The following VPS13D variants were observed in gnomAD, a reference collection of about 807,000 sequenced individuals.
VPS13D encodes intermembrane lipid transfer protein VPS13D.
VPS13D carries 187 observed loss-of-function variants against 461.9 expected under a neutral mutation model. The ratio of observed to expected loss-of-function variants is 0.40; its 90% confidence interval spans 0.36 to 0.46. The LOEUF is 0.46. VPS13D is among the 20% of genes least tolerant of loss of function. The pLI, the probability that VPS13D is intolerant of heterozygous loss-of-function variation, is 0.60. For missense variants in VPS13D, 4,711 were observed against 5,364.9 expected (o/e 0.88, Z 3.81); for synonymous variants, 1,951 against 1,986.3 (o/e 0.98, Z 0.47).
At chr1:12,486,872 C>T (rs546444328) in intron 67 of VPS13D, among the ~76,000 whole-genome samples, 8 of 152,302 alleles carry the variant, frequency 5.3e-5, no homozygotes, top group African/African-American at 1.9e-4. Context: ...ACCCTCTCAG[C>T]ACACAGCACC....
chr1:12,234,134 A>T lies in VPS13D; in HGVS notation c.-76-57A>T, dbSNP rs919711177. ...TACCTTCAGGCAGGTAGAGGAGGAA[A>T]TTGGCTTAGAAAATCATCCTGTTTT... On this transcript the variant is annotated intron_variant, in intron 1 of 69. Transcript: ENST00000620676. 4.6e-6 allele frequency: 3 copies of T among 648,712 alleles called. No homozygotes were observed. In the African/African-American group the frequency reaches 5.5e-5, roughly 12 times the overall value. 40.2% of individuals were successfully genotyped at this position (648,712 alleles called of 1,614,324 possible).
In VPS13D at chr1:12,352,965, C is replaced by CAAAAAAAAAAAAAA. The variant is rs61588046; in HGVS notation, c.9432-991_9432-978dup. ...GGGCAATAAGAGTGAAACTCAGTCT[C>CAAAAAAAAAAAAAA]AAAAAAAAAAAAAAAAAAAAAAAAA... On this transcript the variant is annotated intron_variant, in intron 46 of 69. Transcript: ENST00000620676. Among the ~76,000 whole-genome samples the CAAAAAAAAAAAAAA allele has an allele frequency of 6.8e-4, 12 of 17,588 alleles. 2 individuals are homozygous for CAAAAAAAAAAAAAA. The highest frequency in any genetic ancestry group is 8.2e-4 in the Non-Finnish European group (8 of 9,748). The allele number at this position is 17,588 out of a possible 152,430, so 11.5% of individuals were successfully genotyped here.
chr1:12,292,393 C>T (rs1365851675), intron 23 of VPS13D, among the ~76,000 whole-genome samples: 1 of 136,272 alleles, frequency 7.3e-6, no homozygotes, highest in Admixed American at 7.6e-5. Flanking sequence ...AGGTCTGCCT[C>T]TACATATTCT....
intron 65 of VPS13D, among the ~76,000 whole-genome samples, chr1:12,448,709 G>T (rs182409024): frequency 3.3e-5 from 5 of 152,202 alleles, no homozygotes; most frequent in African/African-American, 9.7e-5. Context: ...AAGATCAGTT[G>T]TCTTGATTCT....
chr1:12,252,438 G>T (rs1372076392), intron 6 of VPS13D, among the ~76,000 whole-genome samples: 1 of 152,086 alleles, frequency 6.6e-6, no homozygotes, highest in African/African-American at 2.4e-5. Context: ...ATATCCTCAG[G>T]TTCCATATCC....
intron 61 of VPS13D, 87 bp from the exon 62 acceptor site, chr1:12,401,521 A>T (rs1383466415): frequency 1.1e-6 from 1 of 908,698 alleles, no homozygotes; most frequent in Non-Finnish European, 1.7e-6. Context: ...TAATGAAAGC[A>T]TACCATGTCA....
chr1:12,268,366 C>T (rs556703810), intron 15 of VPS13D, among the ~76,000 whole-genome samples: 7 of 149,588 alleles, frequency 4.7e-5, no homozygotes, highest in Admixed American at 1.4e-4. Flanking sequence ...CTGTTTTGTG[C>T]GCAGTGGTTT....
At position 12,505,437 on chromosome 1, in the gene VPS13D, T is replaced by C. The variant is rs187280188; in HGVS notation, c.12795-1416T>C. On this transcript the variant is annotated intron_variant, in intron 68 of 69. Transcript: ENST00000620676. The surrounding 1 kb of genome is among the most constrained non-coding windows in gnomAD (Gnocchi z 4.2). ...ATTGAGACTTTACAAGTCCACATTCTTGGCATTGCCAACCAGTTAGAATAG... is the reference window on the plus strand; with the variant it reads ...ATTGAGACTTTACAAGTCCACATTCCTGGCATTGCCAACCAGTTAGAATAG... Among the ~76,000 whole-genome samples the C allele has an allele frequency of 4.0e-4, 61 of 152,380 alleles. No homozygotes were observed. Among genetic ancestry groups the C allele is most frequent in the Admixed American group, 7.8e-4 (12 of 15,310 alleles).
chr1:12,472,311 A>G (rs1260317572), intron 67 of VPS13D, among the ~76,000 whole-genome samples: 1 of 152,080 alleles, frequency 6.6e-6, no homozygotes, highest in Non-Finnish European at 1.5e-5. Context: ...GGACCTGCTG[A>G]CTCTGGGCTC....
intron 46 of VPS13D, among the ~76,000 whole-genome samples, chr1:12,350,254 T>C (rs76845682): frequency 0.022 from 3,322 of 152,274 alleles, 63 homozygotes; most frequent in African/African-American, 0.038. Context: ...GGAACACTTA[T>C]CAAGAGAGAT....
chr1:12,258,163 A>G (rs1640979940), intron 10 of VPS13D, 60 bp downstream of exon 10: 1 of 1,584,446 alleles, frequency 6.3e-7, no homozygotes, highest in Non-Finnish European at 8.6e-7. Context: ...TGTTCTCTCA[A>G]AGACTAAAGA....
chr1:12,277,678 G>T lies in VPS13D; in HGVS notation c.4090G>T (p.Asp1364Tyr). 1 of 1,614,200 alleles carries T rather than the reference G, an allele frequency of 6.2e-7. No individual in the cohort carries two copies. Among genetic ancestry groups the T allele is most frequent in the South Asian group, 1.1e-5 (1 of 91,058 alleles). Residue 1364 changes from aspartate (D) to tyrosine (Y), a missense_variant, in exon 19 of 70, where the codon GAC (aspartate) becomes TAC (tyrosine). Coordinates refer to ENST00000620676, the MANE Select transcript of VPS13D (RefSeq NM_015378.4). ...ILEENEIYGF[D>Y]LASSHLDTVK... ...AGAGGAAAATGAAATATATGGGTTT[G>T]ACCTAGCTTCGTCTCATTTGGACAC...
At chr1:12,416,072 C>G (rs947971159) in intron 64 of VPS13D, among the ~76,000 whole-genome samples, 3 of 152,188 alleles carry the variant, frequency 2.0e-5, no homozygotes, top group Admixed American at 6.5e-5. Flanking sequence ...GTAGTCCCAG[C>G]TACGGGAGGC....
chr1:12,257,640 C>T (rs1640962181), intron 9 of VPS13D, among the ~76,000 whole-genome samples: 1 of 152,064 alleles, frequency 6.6e-6, no homozygotes, highest in South Asian at 2.1e-4. Context: ...TGGTATTTAC[C>T]TTACAGTCAG....
At chr1:12,401,490 A>T in intron 61 of VPS13D, 118 bp from the exon 62 acceptor site, 1 of 642,798 alleles carries the variant, frequency 1.6e-6, no homozygotes, top group Non-Finnish European at 2.6e-6. Flanking sequence ...ATTTGGCATT[A>T]TAGTTATAAA....
At chr1:12,249,797 A>T (rs755778114) in intron 6 of VPS13D, among the ~76,000 whole-genome samples, 3 of 152,170 alleles carry the variant, frequency 2.0e-5, no homozygotes, top group Non-Finnish European at 4.4e-5. Context: ...TACACAAAAA[A>T]CAACACTTTT....
Position 12,311,625 on chromosome 1 carries a change from T to C in VPS13D, c.6822T>C (p.His2274=). Residue 2274 remains histidine, a splice_region_variant and synonymous_variant, in exon 28 of 70, where the codon CAT becomes CAC. Coordinates refer to ENST00000620676, the MANE Select transcript of VPS13D (RefSeq NM_015378.4). ...RPYDLQDPRI[H]TVLSGEVYTC... ...ATGATTTACAAGATCCAAGAATTCA[T>C]GTGAGTGAGACCTTATGTTCTTCTG... The C allele has an allele frequency of 6.2e-7, 1 of 1,614,028 alleles. No homozygotes were observed. Among genetic ancestry groups the C allele is most frequent in the Admixed American group, 1.7e-5 (1 of 60,012 alleles).
intron 5 of VPS13D, among the ~76,000 whole-genome samples, chr1:12,247,332 G>A (rs940348807): frequency 1.3e-5 from 2 of 151,420 alleles, no homozygotes; most frequent in East Asian, 1.9e-4. Context: ...CAGGAAAGTC[G>A]CTTGAACCCG....
intron 57 of VPS13D, among the ~76,000 whole-genome samples, chr1:12,380,562 C>T (rs997672983): frequency 6.6e-6 from 1 of 152,180 alleles, no homozygotes; most frequent in Non-Finnish European, 1.5e-5. Flanking sequence ...GATTTTCTGC[C>T]CTTTCTGGCT....
Sources: gnomAD v4.1 joint callset for allele counts (sites outside exome capture counted in the v4.1 genomes callset) on GRCh38, gnomAD v4.1.1 for gene constraint, Gnocchi (gnomAD v3.1) non-coding constraint, MANE v1.5 for transcripts, NCBI Gene and HGNC (gene_info 2026-07-23, HGNC 2026-07-21) for gene names.